Variants in OPCML observed in about 807,000 individuals in gnomAD.
OPCML encodes opioid binding protein/cell adhesion molecule like.
OPCML carries 13 observed loss-of-function variants against 37.8 expected under a neutral mutation model. The ratio of observed to expected loss-of-function variants is 0.34; its 90% CI spans 0.22 to 0.55. OPCML has a LOEUF of 0.55. Ranked by LOEUF, OPCML falls within the 20% of genes least tolerant of loss-of-function variation. The pLI is 0.91. For missense variants in OPCML, 341 were observed against 435.6 expected (o/e 0.78, Z 1.93); for synonymous variants, 176 against 168.8 (o/e 1.04, Z -0.33).
intron 4 of OPCML, chr11:132,525,890 A>G (rs2096307062): frequency 6.6e-6 from 1 of 152,186 alleles, no homozygotes; most frequent in African/African-American, 2.4e-5. Context: ...AATTTTTTGG[A>G]GTTCAAATGC....
At chr11:133,007,133 T>C (rs983510012) in intron 1 of OPCML, 3 of 985,340 alleles carry the variant, frequency 3.0e-6, no homozygotes, top group Non-Finnish European at 2.4e-6. Context: ...CCCAAACTTA[T>C]CAGGCAGCCT....
intron 1 of OPCML, chr11:133,008,227 T>C: frequency 2.0e-6 from 2 of 985,410 alleles, no homozygotes; most frequent in Non-Finnish European, 2.4e-6. Flanking sequence ...CTACACAGTG[T>C]TGGCCACTTG....
intron 1 of OPCML, among the ~76,000 whole-genome samples, chr11:133,507,278 C>G (rs915773465): frequency 6.6e-6 from 1 of 152,202 alleles, no homozygotes; most frequent in Non-Finnish European, 1.5e-5. Flanking sequence ...CTCTGTGGAG[C>G]AGGAGGATGG....
At chr11:133,318,754 G>A (rs1277887121) in intron 1 of OPCML, among the ~76,000 whole-genome samples, 3 of 152,106 alleles carry the variant, frequency 2.0e-5, no homozygotes, top group Non-Finnish European at 4.4e-5. Context: ...AATTCATGAG[G>A]GGCTGGGAGC....
At chr11:133,160,800 C>T (rs2137216193) in intron 1 of OPCML, among the ~76,000 whole-genome samples, 1 of 152,306 alleles carries the variant, frequency 6.6e-6, no homozygotes. Context: ...ACTCAGAGAC[C>T]ATTAGAGCTA....
chr11:132,514,824 C>A (rs951484713), intron 4 of OPCML, among the ~76,000 whole-genome samples: 2 of 152,120 alleles, frequency 1.3e-5, no homozygotes, highest in African/African-American at 4.8e-5. Context: ...AAACATCTTG[C>A]TGTCTGACAT....
intron 1 of OPCML, among the ~76,000 whole-genome samples, chr11:133,436,295 C>G (rs1348926385): frequency 1.3e-5 from 2 of 152,058 alleles, no homozygotes; most frequent in Non-Finnish European, 2.9e-5. Flanking sequence ...AGTTTTGGTT[C>G]CTCCATTTGG....
At chr11:132,458,771 C>T (rs2096091108) in intron 4 of OPCML, among the ~76,000 whole-genome samples, 1 of 152,054 alleles carries the variant, frequency 6.6e-6, no homozygotes, top group Admixed American at 6.5e-5. Context: ...TAAATAATGC[C>T]AATGTCTGCC....
intron 4 of OPCML, among the ~76,000 whole-genome samples, chr11:132,441,158 C>CTTTCTTGTTTTTTTTT (rs2096031399): frequency 9.3e-6 from 1 of 108,058 alleles, no homozygotes; most frequent in Non-Finnish European, 1.8e-5. Flanking sequence ...TCACCAAGGA[C>CTTTCTTGTTTTTTTTT]TTTTTTGTTT....
chr11:133,434,800 A>G (rs999210455), intron 1 of OPCML, among the ~76,000 whole-genome samples: 1,095 of 70,744 alleles, frequency 0.015, 7 homozygotes, highest in Admixed American at 0.023. Context: ...ATATATATGT[A>G]TATATATATA....
intron 2 of OPCML, among the ~76,000 whole-genome samples, chr11:132,825,825 T>C (rs910847560): frequency 5.3e-5 from 8 of 152,210 alleles, no homozygotes; most frequent in Admixed American, 2.0e-4. Context: ...ACCTTTGGGT[T>C]GGGAGTCCTA....
rs560275406 is a variant in OPCML at position 132,785,948 on chromosome 11, G to A, written c.147-128629C>T. 1.2e-3 allele frequency among the ~76,000 whole-genome samples: 188 copies of A among 152,324 alleles called. 1 individual carries two copies. Among genetic ancestry groups the A allele is most frequent in the Non-Finnish European group, 1.7e-3 (116 of 68,028 alleles). The stretch of plus-strand genomic sequence containing the variant: ...AGTTTGGAGAAACACAAGATTCCAT[G>A]CTCAGATTTCCATGTCTGATAGAGC... On this transcript the variant is annotated intron_variant, in intron 2 of 7. Transcript: ENST00000524381.
intron 1 of OPCML, among the ~76,000 whole-genome samples, chr11:133,353,495 T>C (rs746852226): frequency 2.6e-4 from 40 of 152,016 alleles, no homozygotes; most frequent in Non-Finnish European, 5.0e-4. Context: ...TCTTTAGGGA[T>C]GAGGGGGAGC....
chr11:133,392,024 C>A (rs1269450938), intron 1 of OPCML, among the ~76,000 whole-genome samples: 1 of 152,100 alleles, frequency 6.6e-6, no homozygotes. Flanking sequence ...AAATTAAAGA[C>A]TATTTTTTTC....
At chr11:132,965,497 C>T (rs190005414) in intron 1 of OPCML, among the ~76,000 whole-genome samples, 74 of 152,066 alleles carry the variant, frequency 4.9e-4, no homozygotes, top group Non-Finnish European at 4.4e-5. Flanking sequence ...TTTATTGGCA[C>T]ATATTTTTGT....
intron 2 of OPCML, among the ~76,000 whole-genome samples, chr11:132,713,202 C>T (rs1280033054): frequency 2.0e-5 from 3 of 152,164 alleles, no homozygotes; most frequent in East Asian, 1.9e-4. Flanking sequence ...AATGACACGA[C>T]GCTTCGTAAT....
chr11:133,386,842 G>A (rs912107175), intron 1 of OPCML, among the ~76,000 whole-genome samples: 3 of 152,182 alleles, frequency 2.0e-5, no homozygotes, highest in African/African-American at 7.2e-5. Context: ...GCCCCACACG[G>A]CAGCAGGGAC....
At chr11:133,310,298 G>T (rs1943036819) in intron 1 of OPCML, among the ~76,000 whole-genome samples, 1 of 151,964 alleles carries the variant, frequency 6.6e-6, no homozygotes, top group African/African-American at 2.4e-5. Flanking sequence ...AATTAATGAA[G>T]AAATGAATCT....
intron 2 of OPCML, among the ~76,000 whole-genome samples, chr11:132,702,472 T>A (rs1186488427): frequency 6.6e-6 from 1 of 152,234 alleles, no homozygotes; most frequent in Non-Finnish European, 1.5e-5. Context: ...CACTTTTCTC[T>A]TGCTGCATTT....
Sources: allele counts gnomAD v4.1 joint callset (sites outside exome capture counted in the v4.1 genomes callset), GRCh38; gene constraint gnomAD v4.1.1; transcripts MANE v1.5; gene names NCBI Gene and HGNC (gene_info 2026-07-23, HGNC 2026-07-21).